Variants in ATP6V1A observed in about 807,000 individuals in gnomAD.
ATP6V1A encodes ATPase H+ transporting V1 subunit A.
Under a neutral mutation model 70.1 loss-of-function variants are expected in ATP6V1A, and 18 were observed. That is an observed-to-expected ratio of 0.26 (90% CI 0.18 to 0.38). The LOEUF is 0.38. Ranked by LOEUF, ATP6V1A falls within the 10% of genes least tolerant of loss-of-function variation. The pLI is 1.00. For synonymous variants in ATP6V1A, 232 were observed against 253.8 expected (o/e 0.91, Z 0.82); for missense variants, 424 against 772.4 (o/e 0.55, Z 5.35).
chr3:113,796,410 G>A (rs551638370), intron 11 of ATP6V1A, among the ~76,000 whole-genome samples: 1 of 152,136 alleles, frequency 6.6e-6, no homozygotes, highest in Non-Finnish European at 1.5e-5. Flanking sequence ...CTGACACAAG[G>A]GAGCTGGGCC....
At chr3:113,782,214 A>G (rs1314443142) in intron 3 of ATP6V1A, among the ~76,000 whole-genome samples, 1 of 152,216 alleles carries the variant, frequency 6.6e-6, no homozygotes, top group East Asian at 1.9e-4. Context: ...AAAATCATCT[A>G]GAAATTTTAA....
chr3:113,751,905 A>G lies in ATP6V1A; in HGVS notation c.-14+4792A>G, dbSNP rs140975089. Among the ~76,000 whole-genome samples the G allele has an allele frequency of 5.0e-3, 762 of 151,994 alleles. 25 individuals are homozygous for G. The highest frequency in any genetic ancestry group is 0.047 in the Admixed American group (716 of 15,276). On this transcript the variant is annotated intron_variant, in intron 1 of 14. Coordinates refer to ENST00000273398, the MANE Select transcript of ATP6V1A (RefSeq NM_001690.4). ...AGTTAGCTCTAGTTAATAAATTTAC[A>G]ACTGTGATTAGCTGTTTTTAAAAAT...
chr3:113,805,945 A>C (rs1709271340), intron 14 of ATP6V1A, among the ~76,000 whole-genome samples: 1 of 152,166 alleles, frequency 6.6e-6, no homozygotes. Flanking sequence ...GAGACCTCAA[A>C]GTTATGTTCA....
intron 14 of ATP6V1A, among the ~76,000 whole-genome samples, chr3:113,808,141 AAAAC>A (rs1401248196): frequency 1.8e-4 from 27 of 151,390 alleles, no homozygotes; most frequent in African/African-American, 5.8e-4. Flanking sequence ...AAAAAAAAAA[AAAAC>A]AAAGAAAAGA....
intron 1 of ATP6V1A, among the ~76,000 whole-genome samples, chr3:113,775,007 A>G (rs1217928069): frequency 6.6e-6 from 1 of 152,124 alleles, no homozygotes; most frequent in Admixed American, 6.6e-5. Flanking sequence ...TTGAGGGACA[A>G]TGGAAGGCAC....
intron 13 of ATP6V1A, 109 bp downstream of exon 13, chr3:113,803,786 G>C: frequency 1.4e-6 from 1 of 732,596 alleles, no homozygotes; most frequent in Non-Finnish European, 2.3e-6. Flanking sequence ...CATACACTCT[G>C]ACTTAGTAGA....
intron 1 of ATP6V1A, among the ~76,000 whole-genome samples, chr3:113,765,973 A>G (rs1033794645): frequency 5.3e-5 from 8 of 152,090 alleles, no homozygotes; most frequent in Admixed American, 2.0e-4. Context: ...TTCTTGTTTT[A>G]CTAATTACTC....
Position 113,810,798 on chromosome 3 carries a change from G to A in ATP6V1A, c.*1371G>A, listed in dbSNP as rs1709333715. ...ATGTCACATGTTTGCATGTTTGTTT[G>A]CTTGTTGAATTTTTGAACAGCCAGT... On this transcript the variant is annotated 3_prime_UTR_variant, in exon 15 of 15. Transcript: ENST00000273398. 1 of 152,212 alleles carries A rather than the reference G, an allele frequency of 6.6e-6. No individual in the cohort carries two copies. Among genetic ancestry groups the A allele is most frequent in the Non-Finnish European group, 1.5e-5 (1 of 68,042 alleles). 9.4% of individuals were successfully genotyped at this position (152,212 alleles called of 1,614,324 possible).
intron 12 of ATP6V1A, among the ~76,000 whole-genome samples, chr3:113,798,928 G>GTTCT (rs1261020507): frequency 1.3e-5 from 2 of 152,104 alleles, no homozygotes; most frequent in Non-Finnish European, 2.9e-5. Context: ...AGTACTCAGA[G>GTTCT]TTCTTTGTCT....
intron 14 of ATP6V1A, among the ~76,000 whole-genome samples, chr3:113,807,509 A>G (rs761602230): frequency 1.3e-5 from 2 of 152,126 alleles, no homozygotes; most frequent in Admixed American, 1.3e-4. Flanking sequence ...CCAAGAATGA[A>G]CAGAGCCAAC....
At chr3:113,782,574 G>A (rs1297950315) in intron 3 of ATP6V1A, among the ~76,000 whole-genome samples, 3 of 135,098 alleles carry the variant, frequency 2.2e-5, no homozygotes, top group African/African-American at 2.8e-5. Context: ...ATATATATAC[G>A]TATATATATA....
chr3:113,784,745 A>G lies in ATP6V1A; in HGVS notation c.476A>G (p.Asn159Ser). The change falls in exon 5 of 15, where the codon AAC (asparagine) becomes AGC (serine). Residue 159 changes from asparagine to serine, a missense_variant. Coordinates refer to ENST00000273398, the MANE Select transcript of ATP6V1A (RefSeq NM_001690.4). ...GGDIYGIVSENSLIKHKIMLP... is the reference protein window; with the variant it reads ...GGDIYGIVSESSLIKHKIMLP... ...GACATTTATGGAATTGTCAGTGAGA[A>G]CTCGCTTATCAAACACAAAATCATG... The G allele has an allele frequency of 6.2e-7, 1 of 1,614,132 alleles. No individual in the cohort carries two copies. Among genetic ancestry groups the G allele is most frequent in the East Asian group, 2.2e-5 (1 of 44,866 alleles).
At chr3:113,772,933 CTTT>C (rs762901487) in intron 1 of ATP6V1A, among the ~76,000 whole-genome samples, 2 of 90,428 alleles carry the variant, frequency 2.2e-5, no homozygotes, top group Admixed American at 1.3e-4. Context: ...TTAATATTGG[CTTT>C]TTTTTTTTTT....
chr3:113,766,691 C>G (rs906101444), intron 1 of ATP6V1A, among the ~76,000 whole-genome samples: 1 of 152,150 alleles, frequency 6.6e-6, no homozygotes. Context: ...AATACCATCA[C>G]ATTGAGGGTT....
At chr3:113,788,915 C>T in intron 7 of ATP6V1A, 40 bp downstream of exon 7, 1 of 1,555,958 alleles carries the variant, frequency 6.4e-7, no homozygotes, top group East Asian at 2.3e-5. Context: ...GAGAAAATAC[C>T]ACTCATCAGT....
At chr3:113,776,499 A>G (rs922645368) in intron 1 of ATP6V1A, among the ~76,000 whole-genome samples, 3 of 152,226 alleles carry the variant, frequency 2.0e-5, no homozygotes, top group Non-Finnish European at 2.9e-5. Flanking sequence ...TCAATTGAGC[A>G]TTTAAGTCAT....
chr3:113,805,707 G>A (rs529849503), intron 14 of ATP6V1A, among the ~76,000 whole-genome samples, 182 bp downstream of exon 14: 39 of 152,138 alleles, frequency 2.6e-4, no homozygotes, highest in East Asian at 9.7e-4. Flanking sequence ...TAGCTGGGAC[G>A]ACAGGTGCGT....
chr3:113,748,324 G>C (rs939378902), intron 1 of ATP6V1A, among the ~76,000 whole-genome samples: 5 of 152,046 alleles, frequency 3.3e-5, no homozygotes, highest in Non-Finnish European at 2.9e-5. Context: ...TTCAGTTTGT[G>C]GTTAAACTCT....
At chr3:113,782,790 T>G (rs1441225612) in intron 3 of ATP6V1A, among the ~76,000 whole-genome samples, 1 of 151,498 alleles carries the variant, frequency 6.6e-6, no homozygotes, top group African/African-American at 2.4e-5. Flanking sequence ...GCCCGGCTAA[T>G]TTTTTGTATT....
Sources: allele counts gnomAD v4.1 joint callset (sites outside exome capture counted in the v4.1 genomes callset), GRCh38; gene constraint gnomAD v4.1.1; transcripts MANE v1.5; gene names NCBI Gene and HGNC (gene_info 2026-07-23, HGNC 2026-07-21).